The following HIP1R variants were observed in gnomAD, a reference collection of about 807,000 sequenced individuals.
HIP1R encodes huntingtin interacting protein 1 related, also known as huntingtin-interacting protein 1-related protein.
A neutral mutation model predicts 144.2 loss-of-function variants in HIP1R; 135 were observed. The observed-to-expected ratio is 0.94, with a 90% CI of 0.81 to 1.08. The LOEUF (loss-of-function observed/expected upper bound fraction) is 1.08, where lower values mean the gene tolerates loss of function less well. Among genes scored for constraint, HIP1R ranks in the 50% least tolerant of loss-of-function variants. The probability of loss-of-function intolerance (pLI) is 0.00; values close to 1 mark genes in which losing one functional copy is unlikely to be tolerated. For synonymous variants in HIP1R, 698 were observed against 612.8 expected (o/e 1.14, Z -2.05); for missense variants, 1,462 against 1,432.8 (o/e 1.02, Z -0.33).
Position 122,840,491 on chromosome 12 carries a change from G to T in HIP1R, c.93+4848G>T, listed in dbSNP as rs1031371107. ...CAGTTTCCTTATCTACAAAATGGGG[G>T]CAATAATACTACACACCTCCTGGAG... On this transcript the variant is annotated intron_variant, in intron 1 of 31. Coordinates refer to ENST00000253083, the MANE Select transcript of HIP1R (RefSeq NM_003959.3). This position sits in a 1 kb window ranked among gnomAD's most constrained non-coding sequence, Gnocchi z 4.2. 6.6e-6 allele frequency among the ~76,000 whole-genome samples: 1 copy of T among 152,188 alleles called. No individual in the cohort carries two copies. Among genetic ancestry groups the T allele is most frequent in the African/African-American group, 2.4e-5 (1 of 41,440 alleles).
chr12:122,859,431 G>A lies in HIP1R; in HGVS notation c.2301G>A (p.Leu767=), dbSNP rs1393370771. 3.7e-6 allele frequency: 6 copies of A among 1,613,170 alleles called. No homozygotes were observed. In the Admixed American group the frequency reaches 8.3e-5, roughly 22 times the overall value. The change falls in exon 23 of 32, where the codon CTG becomes CTA. Residue 767 remains leucine (L), a synonymous_variant. Coordinates refer to ENST00000253083, the MANE Select transcript of HIP1R (RefSeq NM_003959.3). The stretch of plus-strand genomic sequence containing the variant: ...CTGACTCCCATCCTCACCAGGAACT[G>A]AAACCCAAGAGCCTAGATGTGCGGC... The part of the protein sequence containing the change: ...LQGILQLGQE[L]KPKSLDVRQE...
intron 6 of HIP1R, 34 bp downstream of exon 6, chr12:122,850,945 C>T (rs1315422540): frequency 6.4e-6 from 10 of 1,567,326 alleles, no homozygotes; most frequent in African/African-American, 1.4e-5. Context: ...TAGCCAGTTC[C>T]CCTCGGCTTC....
chr12:122,842,125 C>T (rs186783000), intron 1 of HIP1R, among the ~76,000 whole-genome samples: 128 of 152,214 alleles, frequency 8.4e-4, no homozygotes, highest in Non-Finnish European at 1.3e-3. Flanking sequence ...AGGGGACAGA[C>T]GCATTTGAAT....
At chr12:122,849,573 G>A (rs183097662) in intron 4 of HIP1R, among the ~76,000 whole-genome samples, 108 of 152,382 alleles carry the variant, frequency 7.1e-4, no homozygotes, top group African/African-American at 2.5e-3. Context: ...GATGTGTCCA[G>A]GCGCCCGTCG....
At chr12:122,851,049 C>A in intron 6 of HIP1R, 138 bp downstream of exon 6, 2 of 889,246 alleles carry the variant, frequency 2.2e-6, no homozygotes, top group South Asian at 1.6e-5. Flanking sequence ...GCTCACGCTC[C>A]CAGGGACAGA....
Position 122,859,522 on chromosome 12 carries a change from G to A in HIP1R, c.2392G>A (p.Val798Met). The A allele has an allele frequency of 1.2e-6, 2 of 1,612,666 alleles. No homozygotes were observed. The highest frequency in any genetic ancestry group is 1.1e-5 in the South Asian group (1 of 91,062). Reference sequence around the variant, plus strand: ...CACATCCGCAGCCATTGAAGATGCTGTGCGGAGGATTGAGGTGAGCACGGG... The same window carrying A: ...CACATCCGCAGCCATTGAAGATGCTATGCGGAGGATTGAGGTGAGCACGGG... ...AATSAAIEDA[V>M]RRIEDMMNQA... Residue 798 changes from valine to methionine, a missense_variant, in exon 23 of 32, where the codon GTG (valine) becomes ATG (methionine). Physicochemically the swap from Val to Met is conservative, Grantham distance 21 (BLOSUM62 1). Coordinates refer to ENST00000253083, the MANE Select transcript of HIP1R (RefSeq NM_003959.3).
Position 122,848,011 on chromosome 12 carries a change from T to C in HIP1R, c.94-20T>C, listed in dbSNP as rs1209113732. On this transcript the variant is annotated intron_variant, in intron 1 of 31. Coordinates refer to ENST00000253083, the MANE Select transcript of HIP1R (RefSeq NM_003959.3). ...GGTGGCTGCCTGGGGCTCTAAACAC[T>C]GCTCCTTTGTCCCTCACAGGCCATC... The C allele has an allele frequency of 6.2e-7, 1 of 1,613,256 alleles. No individual in the cohort carries two copies. The highest frequency in any genetic ancestry group is 8.5e-7 in the Non-Finnish European group (1 of 1,179,788).
At chr12:122,848,344 CGG>C in intron 2 of HIP1R, 120 bp from the exon 3 acceptor site, 1 of 1,259,016 alleles carries the variant, frequency 7.9e-7, no homozygotes, top group South Asian at 1.5e-5. Flanking sequence ...TCTGGTGACC[CGG>C]GGTTGATGGG....
In HIP1R at chr12:122,859,496, C is replaced by T. The variant is rs761724989; in HGVS notation, c.2366C>T (p.Ala789Val). ...GCCGTGGTCGACAAGGAGATGGCGG[C>T]CACATCCGCAGCCATTGAAGATGCT... ...LGAVVDKEMA[A>V]TSAAIEDAVR... is the part of the protein sequence containing the mutation. Residue 789 changes from alanine (A) to valine (V), a missense_variant, in exon 23 of 32, where the codon GCC (alanine) becomes GTC (valine). By Grantham distance (64) the Ala-to-Val change is moderately conservative (BLOSUM62 0). This residue lies in a region of HIP1R where 1,112 missense variants were observed against 1,011.7 expected (regional missense o/e 1.10). Coordinates refer to ENST00000253083, the MANE Select transcript of HIP1R (RefSeq NM_003959.3). The T allele has an allele frequency of 3.7e-6, 6 of 1,613,266 alleles. No homozygotes were observed. The African/African-American group carries it at 4.0e-5, about 11-fold the overall frequency.
chr12:122,848,212 G>A, intron 2 of HIP1R, 118 bp downstream of exon 2: 2 of 1,148,962 alleles, frequency 1.7e-6, no homozygotes, highest in Non-Finnish European at 2.5e-6. Flanking sequence ...TGAGCCCGGG[G>A]AGGAGGGTCC....
intron 1 of HIP1R, among the ~76,000 whole-genome samples, chr12:122,839,893 G>C (rs1223719936): frequency 6.6e-6 from 1 of 152,182 alleles, no homozygotes; most frequent in Non-Finnish European, 1.5e-5. Flanking sequence ...CTCACAGCCC[G>C]CACCGGCCAG....
At position 122,858,386 on chromosome 12, in the gene HIP1R, C is replaced by A. The variant is rs748818973; in HGVS notation, c.2001C>A (p.Ala667=). 2 of 1,610,980 alleles carry A rather than the reference C, an allele frequency of 1.2e-6. No homozygotes were observed. The highest frequency in any genetic ancestry group is 1.7e-5 in the Admixed American group (1 of 59,822). ...LVSRAQEALD[A]VSTLEEGHAQ... is the part of the protein sequence containing the mutation. ...GCAGGGCCCAGGAGGCCTTGGATGC[C>A]GTGAGCACCCTGGAGGAGGGCCACG... Residue 667 remains alanine (A), a synonymous_variant, in exon 20 of 32, where the codon GCC becomes GCA. Coordinates refer to ENST00000253083, the MANE Select transcript of HIP1R (RefSeq NM_003959.3).
At chr12:122,850,988 C>A in intron 6 of HIP1R, 77 bp downstream of exon 6, 3 of 1,311,960 alleles carry the variant, frequency 2.3e-6, no homozygotes, top group Non-Finnish European at 3.2e-6. Context: ...CACGCCCAGG[C>A]GTCCGCATGG....
At chr12:122,852,572 G>C (rs1365096852) in intron 7 of HIP1R, among the ~76,000 whole-genome samples, 1 of 152,162 alleles carries the variant, frequency 6.6e-6, no homozygotes, top group Non-Finnish European at 1.5e-5. Context: ...GCACAAATGG[G>C]GTGTACCAGC....
chr12:122,837,110 G>A (rs1309526048), intron 1 of HIP1R, among the ~76,000 whole-genome samples: 1 of 152,170 alleles, frequency 6.6e-6, no homozygotes, highest in Non-Finnish European at 1.5e-5. Context: ...CAGAAACTTT[G>A]TTTATTCACT....
chr12:122,859,194 C>T lies in HIP1R; in HGVS notation c.2292C>T (p.Gly764=). ...RTPLQGILQL[G]QELKPKSLDV... is the part of the protein sequence containing the mutation. ...CCCTGCAGGGCATCCTTCAGCTGGGCCAGGTGAGGCACAGCTGAGTGTGGG... is the reference window on the plus strand; with the variant it reads ...CCCTGCAGGGCATCCTTCAGCTGGGTCAGGTGAGGCACAGCTGAGTGTGGG... Residue 764 remains glycine (G), a synonymous_variant, in exon 22 of 32, where the codon GGC becomes GGT. Transcript: ENST00000253083. 6.4e-7 allele frequency: 1 copy of T among 1,570,640 alleles called. No individual in the cohort carries two copies. Among genetic ancestry groups the T allele is most frequent in the Admixed American group, 1.9e-5 (1 of 53,246 alleles).
chr12:122,860,643 CAG>C (rs761982274), intron 27 of HIP1R, 34 bp from the exon 28 acceptor site: 2 of 1,597,842 alleles, frequency 1.3e-6, no homozygotes, highest in Admixed American at 3.3e-5. Flanking sequence ...TCCGTGGGGT[CAG>C]AGACCCTGGC....
At position 122,851,247 on chromosome 12, in the gene HIP1R, CTG is replaced by C. The variant is rs1240414020; in HGVS notation, c.530_531del (p.Val177GlyfsTer4). The stretch of plus-strand genomic sequence containing the variant: ...CTTCTCTTGCGTAGCTTCCAGCTCA[CTG>C]TGGAGATGTTTGATTACATGGATTG... On this transcript the variant is annotated frameshift_variant, in exon 7 of 32. Coordinates refer to ENST00000253083, the MANE Select transcript of HIP1R (RefSeq NM_003959.3). LOFTEE classifies it high-confidence loss of function. 1.3e-6 allele frequency: 2 copies of C among 1,540,324 alleles called. No homozygotes were observed. The highest frequency in any genetic ancestry group is 1.7e-6 in the Non-Finnish European group (2 of 1,151,940).
In HIP1R at chr12:122,858,088, A is replaced by G; in HGVS notation, c.1816-14A>G. 2 of 1,469,414 alleles carry G rather than the reference A, an allele frequency of 1.4e-6. No homozygotes were observed. Among genetic ancestry groups the G allele is most frequent in the Middle Eastern group, 3.8e-4 (2 of 5,272 alleles). 91.0% of individuals were successfully genotyped at this position (1,469,414 alleles called of 1,614,324 possible). ...GGAGGATCTCTAACCTGTCCTCTTC[A>G]CCCCCATTGCCAGGAGTCTCAGGAG... On this transcript the variant is annotated splice_polypyrimidine_tract_variant and intron_variant, in intron 18 of 31. Coordinates refer to ENST00000253083, the MANE Select transcript of HIP1R (RefSeq NM_003959.3).
Sources: allele counts gnomAD v4.1 joint callset (sites outside exome capture counted in the v4.1 genomes callset), GRCh38; gene constraint gnomAD v4.1.1; regional missense constraint gnomAD v4.1.1; non-coding constraint Gnocchi (gnomAD v3.1); transcripts MANE v1.5; gene names NCBI Gene and HGNC (gene_info 2026-07-23, HGNC 2026-07-21).